Variants in AUTS2 observed in about 807,000 individuals in gnomAD.
AUTS2 encodes activator of transcription and developmental regulator AUTS2.
Under a neutral mutation model 112.4 loss-of-function variants are expected in AUTS2, and 17 were observed. The observed-to-expected ratio is 0.15, with a 90% confidence interval of 0.10 to 0.23. AUTS2 has a LOEUF of 0.23. Among genes scored for constraint, AUTS2 ranks in the 10% least tolerant of loss-of-function variants. The pLI, the probability that AUTS2 is intolerant of heterozygous loss-of-function variation, is 1.00. For missense variants in AUTS2, 1,510 were observed against 1,701.6 expected, an observed-to-expected ratio of 0.89 and a Z score of 1.98; for synonymous variants, 751 against 702.7, an observed-to-expected ratio of 1.07 and a Z score of -1.09.
rs1189862654 is a variant in AUTS2 at position 69,782,356 on chromosome 7, T to C, written c.310-116930T>C. Among the ~76,000 whole-genome samples the C allele has an allele frequency of 2.7e-5, 4 of 149,800 alleles. No homozygotes were observed. In the East Asian group the frequency reaches 7.8e-4, roughly 29 times the overall value. On this transcript the variant is annotated intron_variant, in intron 1 of 18. Transcript: ENST00000342771. ...TGGGGTGACAGAGTGAGACCCCATC[T>C]CTCTCTCTTGTTTTTTTTTTTTTTG...
chr7:70,094,882 T>C (rs1329379391), intron 2 of AUTS2, among the ~76,000 whole-genome samples: 1 of 152,098 alleles, frequency 6.6e-6, no homozygotes, highest in African/African-American at 2.4e-5. Flanking sequence ...TTTCCAGGGG[T>C]GTGGGAGAAG....
At chr7:69,713,287 G>C (rs1248068217) in intron 1 of AUTS2, among the ~76,000 whole-genome samples, 2 of 151,866 alleles carry the variant, frequency 1.3e-5, no homozygotes, top group Non-Finnish European at 2.9e-5. Flanking sequence ...CCCATCTTTG[G>C]TATCAAATTT....
intron 4 of AUTS2, among the ~76,000 whole-genome samples, chr7:70,430,755 A>G (rs1224350664): frequency 1.3e-5 from 2 of 152,128 alleles, no homozygotes; most frequent in Non-Finnish European, 2.9e-5. Flanking sequence ...AATTGAAACA[A>G]TCTAAATAAC....
intron 2 of AUTS2, among the ~76,000 whole-genome samples, chr7:69,921,724 T>TAGTG (rs1645698027): frequency 7.0e-6 from 1 of 143,364 alleles, no homozygotes; most frequent in South Asian, 2.2e-4. Flanking sequence ...ATCACACCAC[T>TAGTG]GCACTGTAGC....
chr7:70,032,471 T>C (rs937644148), intron 2 of AUTS2, among the ~76,000 whole-genome samples: 4 of 152,156 alleles, frequency 2.6e-5, no homozygotes, highest in Admixed American at 1.3e-4. Context: ...TAGAGACATT[T>C]AATTTAATTA....
chr7:70,570,066 C>T (rs1175981733), intron 5 of AUTS2, among the ~76,000 whole-genome samples: 2 of 152,164 alleles, frequency 1.3e-5, no homozygotes, highest in African/African-American at 4.8e-5. Flanking sequence ...GTTAGCTGTG[C>T]TTATACCTTG....
intron 2 of AUTS2, among the ~76,000 whole-genome samples, chr7:70,040,281 G>A (rs1183318995): frequency 1.3e-5 from 2 of 152,124 alleles, no homozygotes; most frequent in South Asian, 2.1e-4. Flanking sequence ...ATGCTGATAG[G>A]GAGATTGTCC....
intron 4 of AUTS2, among the ~76,000 whole-genome samples, chr7:70,347,955 C>G (rs1585043027): frequency 6.6e-6 from 1 of 152,084 alleles, no homozygotes; most frequent in Non-Finnish European, 1.5e-5. Flanking sequence ...GTCTTATCCA[C>G]AAATTGTCAC....
intron 2 of AUTS2, among the ~76,000 whole-genome samples, chr7:70,004,687 G>A (rs1016586549): frequency 6.6e-6 from 1 of 151,384 alleles, no homozygotes; most frequent in East Asian, 1.9e-4. Flanking sequence ...GCTTTTTGGG[G>A]CCGGGTGCAG....
intron 1 of AUTS2, among the ~76,000 whole-genome samples, chr7:69,881,973 A>G (rs796298571): frequency 5.9e-5 from 9 of 151,800 alleles, no homozygotes; most frequent in African/African-American, 1.9e-4. Context: ...CAACATGGTG[A>G]AACCTCATCT....
intron 6 of AUTS2, among the ~76,000 whole-genome samples, chr7:70,759,946 T>C (rs1311063670): frequency 6.6e-6 from 1 of 152,052 alleles, no homozygotes; most frequent in Non-Finnish European, 1.5e-5. Flanking sequence ...CTTACCAAGA[T>C]AGAAAGTATT....
chr7:69,979,109 C>G (rs1798188696), intron 2 of AUTS2, among the ~76,000 whole-genome samples: 1 of 152,046 alleles, frequency 6.6e-6, no homozygotes, highest in Non-Finnish European at 1.5e-5. Context: ...ATAGAGTTTC[C>G]TTGGGTTTTC....
chr7:70,535,808 C>T (rs183142955), intron 5 of AUTS2, among the ~76,000 whole-genome samples: 175 of 152,260 alleles, frequency 1.1e-3, no homozygotes, highest in African/African-American at 4.1e-3. Flanking sequence ...TCCTTCTTTC[C>T]TCCACCAAAA....
At chr7:70,136,940 A>C (rs1806593917) in intron 4 of AUTS2, among the ~76,000 whole-genome samples, 1 of 152,210 alleles carries the variant, frequency 6.6e-6, no homozygotes, top group Admixed American at 6.5e-5. Flanking sequence ...TAGACACCTG[A>C]GTATATACAT....
At chr7:69,857,330 T>A (rs1281599530) in intron 1 of AUTS2, among the ~76,000 whole-genome samples, 2 of 152,212 alleles carry the variant, frequency 1.3e-5, no homozygotes, top group Non-Finnish European at 2.9e-5. Context: ...TTTGCCTGTT[T>A]TGACAGTGTC....
intron 2 of AUTS2, among the ~76,000 whole-genome samples, chr7:70,063,509 G>C (rs542141403): frequency 2.0e-5 from 3 of 152,080 alleles, no homozygotes; most frequent in African/African-American, 7.2e-5. Flanking sequence ...TCTCAGCCTC[G>C]GTTTTCTCAC....
At chr7:70,728,971 G>A (rs868359424) in intron 6 of AUTS2, among the ~76,000 whole-genome samples, 77 of 152,124 alleles carry the variant, frequency 5.1e-4, no homozygotes, top group Middle Eastern at 3.4e-3. Flanking sequence ...AGTGAACAGC[G>A]CTCTCTCCCA....
intron 1 of AUTS2, among the ~76,000 whole-genome samples, chr7:69,629,446 T>C (rs1022832090): frequency 2.0e-5 from 3 of 152,172 alleles, no homozygotes; most frequent in Non-Finnish European, 4.4e-5. Flanking sequence ...GTCATACAGG[T>C]AGCTGAGCCT....
rs567708518 is a variant in AUTS2, at chr7:70,553,710, T to A, written c.690+117929T>A. On this transcript the variant is annotated intron_variant, in intron 5 of 18. Coordinates refer to ENST00000342771, the MANE Select transcript of AUTS2 (RefSeq NM_015570.4). ...ATTTGCAAGGTGATTTTTTTTTTTT[T>A]AAGACTTTAAAGGTTGTATTGGGAG... 2.8e-4 allele frequency among the ~76,000 whole-genome samples: 43 copies of A among 151,690 alleles called. No individual in the cohort carries two copies. In the South Asian group the frequency reaches 7.7e-3, roughly 27 times the overall value.
Sources: allele counts gnomAD v4.1 joint callset (sites outside exome capture counted in the v4.1 genomes callset), GRCh38; gene constraint gnomAD v4.1.1; transcripts MANE v1.5; gene names NCBI Gene and HGNC (gene_info 2026-07-23, HGNC 2026-07-21).